The following EPB41L4A variants were observed in gnomAD, a reference collection of about 807,000 sequenced individuals.
EPB41L4A encodes the protein erythrocyte membrane protein band 4.1 like 4A.
Under a neutral mutation model 108.6 loss-of-function variants are expected in EPB41L4A, and 100 were observed. The ratio of observed to expected loss-of-function variants is 0.92; its 90% CI spans 0.78 to 1.09. The LOEUF (loss-of-function observed/expected upper bound fraction) is 1.09. EPB41L4A is among the 50% of genes least tolerant of loss of function. The pLI, the probability that EPB41L4A is intolerant of heterozygous loss-of-function variation, is 0.00. For missense variants in EPB41L4A, 1,030 were observed against 842.7 expected, an observed-to-expected ratio of 1.22 and a Z score of -2.75; for synonymous variants, 319 against 289.0, an observed-to-expected ratio of 1.10 and a Z score of -1.05.
At chr5:112,244,938 T>A (rs1201542959) in intron 9 of EPB41L4A, among the ~76,000 whole-genome samples, 1 of 152,080 alleles carries the variant, frequency 6.6e-6, no homozygotes, top group Non-Finnish European at 1.5e-5. Flanking sequence ...TATGTAATAA[T>A]AATGAAAAAG....
intron 1 of EPB41L4A, among the ~76,000 whole-genome samples, chr5:112,409,662 G>A (rs1001140840): frequency 4.6e-5 from 7 of 152,090 alleles, no homozygotes; most frequent in Non-Finnish European, 8.8e-5. Context: ...ATTCATTGAT[G>A]CCTACTACTC....
At chr5:112,224,712 C>G (rs1748334454) in intron 12 of EPB41L4A, among the ~76,000 whole-genome samples, 1 of 152,090 alleles carries the variant, frequency 6.6e-6, no homozygotes, top group Non-Finnish European at 1.5e-5. Context: ...AATAATCAGT[C>G]AAGAGGTAAT....
At chr5:112,267,940 A>G (rs749438203) in intron 4 of EPB41L4A, among the ~76,000 whole-genome samples, 3 of 152,194 alleles carry the variant, frequency 2.0e-5, no homozygotes, top group Non-Finnish European at 4.4e-5. Flanking sequence ...TCCATAATTT[A>G]CACACCTTTT....
Position 112,401,511 on chromosome 5 carries a change from T to C in EPB41L4A, c.99+17430A>G, listed in dbSNP as rs115671587. Among the ~76,000 whole-genome samples the C allele has an allele frequency of 3.3e-3, 510 of 152,344 alleles. 2 individuals carry two copies. Among genetic ancestry groups the C allele is most frequent in the African/African-American group, 0.011 (475 of 41,572 alleles). On this transcript the variant is annotated intron_variant, in intron 1 of 22. Coordinates refer to ENST00000261486, the MANE Select transcript of EPB41L4A (RefSeq NM_022140.5). ...TGATACACCAAAAATACCAGAATCA[T>C]GTGACAGCAAATATGTAAATATGTA...
intron 1 of EPB41L4A, among the ~76,000 whole-genome samples, chr5:112,412,495 T>A (rs1762468966): frequency 6.6e-6 from 1 of 152,216 alleles, no homozygotes; most frequent in Non-Finnish European, 1.5e-5. Flanking sequence ...TGCAATCACA[T>A]TTTTTACAAT....
chr5:112,340,960 T>C (rs1185671709), intron 1 of EPB41L4A, among the ~76,000 whole-genome samples: 1 of 152,230 alleles, frequency 6.6e-6, no homozygotes, highest in Non-Finnish European at 1.5e-5. Flanking sequence ...AACAGCCACA[T>C]GGCTTAGTCC....
chr5:112,294,550 G>C (rs1753868763), intron 2 of EPB41L4A, among the ~76,000 whole-genome samples: 1 of 152,092 alleles, frequency 6.6e-6, no homozygotes, highest in African/African-American at 2.4e-5. Flanking sequence ...GGGGGTCGGG[G>C]AAAGCTTCAG....
chr5:112,299,226 G>A (rs1754197574), intron 2 of EPB41L4A, among the ~76,000 whole-genome samples: 1 of 152,036 alleles, frequency 6.6e-6, no homozygotes, highest in East Asian at 1.9e-4. Context: ...GTACCTTGAG[G>A]TGTGACCATA....
At chr5:112,283,686 T>C (rs1753102282) in intron 2 of EPB41L4A, among the ~76,000 whole-genome samples, 1 of 152,218 alleles carries the variant, frequency 6.6e-6, no homozygotes, top group Admixed American at 6.5e-5. Flanking sequence ...CCACTATACA[T>C]GTTCTTTACA....
rs1160326030 is a variant in EPB41L4A at position 112,205,522 on chromosome 5, A to T, written c.1179-18T>A. ...TCTTAAAGCTTTAATTTTAAAAAAA[A>T]GTATGAGAAATAAATTAAGTAGAAA... On this transcript the variant is annotated intron_variant, in intron 13 of 22. Transcript: ENST00000261486. The T allele has an allele frequency of 4.6e-6, 7 of 1,537,920 alleles. No individual in the cohort carries two copies. Among genetic ancestry groups the T allele is most frequent in the African/African-American group, 1.4e-5 (1 of 72,294 alleles).
intron 4 of EPB41L4A, among the ~76,000 whole-genome samples, chr5:112,268,619 G>A (rs1752037570): frequency 6.6e-6 from 1 of 151,972 alleles, no homozygotes; most frequent in African/African-American, 2.4e-5. Context: ...GGAGGCTGTG[G>A]AAAGAGGATT....
intron 1 of EPB41L4A, among the ~76,000 whole-genome samples, chr5:112,343,446 C>A (rs2150706977): frequency 6.6e-6 from 1 of 152,226 alleles, no homozygotes; most frequent in Non-Finnish European, 1.5e-5. Context: ...GCATGTACAT[C>A]ACAGGGCCAC....
chr5:112,318,686 C>A (rs1299437534), intron 1 of EPB41L4A, among the ~76,000 whole-genome samples: 1 of 152,146 alleles, frequency 6.6e-6, no homozygotes, highest in African/African-American at 2.4e-5. Flanking sequence ...CTGTTTCAAG[C>A]CACTAAATGT....
intron 1 of EPB41L4A, among the ~76,000 whole-genome samples, chr5:112,313,515 C>T (rs758595301): frequency 2.6e-5 from 4 of 152,040 alleles, no homozygotes; most frequent in African/African-American, 4.8e-5. Flanking sequence ...CGCTTGAACC[C>T]GGGAGGTGGA....
At chr5:112,234,866 A>C in intron 11 of EPB41L4A, 111 bp from the exon 12 acceptor site, 12 of 1,175,594 alleles carry the variant, frequency 1.0e-5, no homozygotes, top group Non-Finnish European at 1.3e-5. Context: ...AAACACACAG[A>C]CTCCCTGGTT....
chr5:112,397,432 G>A (rs1230544512), intron 1 of EPB41L4A, among the ~76,000 whole-genome samples: 1 of 152,170 alleles, frequency 6.6e-6, no homozygotes, highest in Non-Finnish European at 1.5e-5. Context: ...ACCAAACTGT[G>A]CATTCTTAGT....
intron 6 of EPB41L4A, chr5:112,263,764 G>A (rs1049100334): frequency 2.0e-5 from 3 of 151,998 alleles, no homozygotes; most frequent in South Asian, 2.1e-4. Flanking sequence ...TCACTGAAAC[G>A]GATCCTTTAG....
rs183686385 is a variant in EPB41L4A, at chr5:112,169,033, C to T, written c.1812G>A (p.Gln604=). Residue 604 remains glutamine, a synonymous_variant, in exon 21 of 23, where the codon CAG becomes CAA. Coordinates refer to ENST00000261486, the MANE Select transcript of EPB41L4A (RefSeq NM_022140.5). The part of the protein sequence containing the change: ...PRSYRQYRRS[Q]CSDGERSVLS... ...GAACTGATCGCTCCCCATCTGAACACTGGGACCTGCGATACTGGCGGTAAC... is the reference window on the plus strand; with the variant it reads ...GAACTGATCGCTCCCCATCTGAACATTGGGACCTGCGATACTGGCGGTAAC... 5.0e-6 allele frequency: 8 copies of T among 1,614,090 alleles called. No individual in the cohort carries two copies. Among genetic ancestry groups the T allele is most frequent in the Non-Finnish European group, 5.1e-6 (6 of 1,179,948 alleles).
chr5:112,153,034 C>A (rs543146846), intron 12 of EPB41L4A, among the ~76,000 whole-genome samples: 17 of 149,394 alleles, frequency 1.1e-4, no homozygotes, highest in Admixed American at 1.1e-3. Context: ...GCCTGGGCAA[C>A]ATGGTGAAAC....
Sources: gnomAD v4.1 joint callset for allele counts (sites outside exome capture counted in the v4.1 genomes callset) on GRCh38, gnomAD v4.1.1 for gene constraint, MANE v1.5 for transcripts, NCBI Gene and HGNC (gene_info 2026-07-23, HGNC 2026-07-21) for gene names.